The following ST7 variants were observed in gnomAD, a reference collection of about 807,000 sequenced individuals.
The protein encoded by ST7 is suppression of tumorigenicity 7, also known as suppressor of tumorigenicity 7 protein.
ST7 carries 28 observed loss-of-function variants against 78.7 expected under a neutral mutation model. The observed-to-expected ratio is 0.36, with a 90% CI of 0.26 to 0.49. The LOEUF (loss-of-function observed/expected upper bound fraction) is 0.49. Ranked by LOEUF, ST7 falls within the 20% of genes least tolerant of loss-of-function variation. The pLI is 0.99. For synonymous variants in ST7, 247 were observed against 249.6 expected, an observed-to-expected ratio of 0.99 and a Z score of 0.10; for missense variants, 418 against 696.0, an observed-to-expected ratio of 0.60 and a Z score of 4.49.
At chr7:117,077,991 A>G (rs1198262076) in intron 1 of ST7, among the ~76,000 whole-genome samples, 3 of 152,096 alleles carry the variant, frequency 2.0e-5, no homozygotes, top group Non-Finnish European at 2.9e-5. Flanking sequence ...CTTAAGTGCT[A>G]TGCTGGAGTT....
intron 1 of ST7, among the ~76,000 whole-genome samples, chr7:117,086,952 C>T (rs1056002171): frequency 2.6e-5 from 4 of 152,172 alleles, no homozygotes; most frequent in Admixed American, 2.6e-4. Context: ...AAATAGTGGC[C>T]TGTGTGGTGG....
intron 1 of ST7, among the ~76,000 whole-genome samples, chr7:116,963,632 CTTTT>C (rs1026576295): frequency 3.7e-5 from 5 of 135,792 alleles, no homozygotes; most frequent in Admixed American, 2.2e-4. Flanking sequence ...TCTTTTTTTT[CTTTT>C]TTTTTTTTTT....
At chr7:117,014,729 G>C (rs1445041071) in intron 1 of ST7, among the ~76,000 whole-genome samples, 1 of 152,090 alleles carries the variant, frequency 6.6e-6, no homozygotes, top group Non-Finnish European at 1.5e-5. Context: ...CCAAAATTTA[G>C]TTTTAACCTA....
chr7:117,195,228 G>A (rs1810197310), intron 12 of ST7, among the ~76,000 whole-genome samples: 1 of 150,850 alleles, frequency 6.6e-6, no homozygotes, highest in African/African-American at 2.4e-5. Context: ...TTTCTGAGGG[G>A]GGATTATCAG....
chr7:117,165,912 G>A (rs190994483), intron 9 of ST7, among the ~76,000 whole-genome samples: 20 of 152,292 alleles, frequency 1.3e-4, no homozygotes, highest in Admixed American at 6.5e-5. Context: ...CGTGGTGCGT[G>A]TGAAGTGGCT....
chr7:116,972,658 T>G, intron 1 of ST7: 1 of 1,144,870 alleles, frequency 8.7e-7, no homozygotes, highest in Admixed American at 1.7e-5. Flanking sequence ...CTCACTCTCA[T>G]CAGCAGTTTT....
At chr7:117,112,410 G>A (rs1802509697) in intron 2 of ST7, 2 of 152,186 alleles carry the variant, frequency 1.3e-5, no homozygotes, top group Non-Finnish European at 2.9e-5. Context: ...GGTATGACCA[G>A]TGTCTTTATA....
chr7:117,067,738 G>A (rs1798716820), intron 1 of ST7, among the ~76,000 whole-genome samples: 1 of 152,182 alleles, frequency 6.6e-6, no homozygotes, highest in East Asian at 1.9e-4. Context: ...AGAGGATTTT[G>A]AGGAGCCTGA....
intron 3 of ST7, among the ~76,000 whole-genome samples, chr7:117,122,225 T>C (rs1803447207): frequency 6.6e-6 from 1 of 152,114 alleles, no homozygotes; most frequent in Admixed American, 6.5e-5. Context: ...ACAGGACATA[T>C]GGGAAAGGGA....
At chr7:117,129,135 C>T (rs1381622333) in intron 3 of ST7, among the ~76,000 whole-genome samples, 1 of 151,544 alleles carries the variant, frequency 6.6e-6, no homozygotes, top group African/African-American at 2.4e-5. Context: ...AGAGGTATGA[C>T]CTATTAGGAT....
intron 1 of ST7, among the ~76,000 whole-genome samples, chr7:116,995,321 T>C (rs1794603815): frequency 6.6e-6 from 1 of 152,222 alleles, no homozygotes; most frequent in South Asian, 2.1e-4. Context: ...GTCCTAGGGT[T>C]GTTTTATGGT....
At chr7:116,996,651 T>C (rs577220007) in intron 1 of ST7, among the ~76,000 whole-genome samples, 1 of 152,328 alleles carries the variant, frequency 6.6e-6, no homozygotes, top group East Asian at 1.9e-4. Context: ...TCTTCTTTAT[T>C]AATATGCAGA....
At chr7:117,018,790 C>T (rs542782119) in intron 1 of ST7, among the ~76,000 whole-genome samples, 10 of 152,324 alleles carry the variant, frequency 6.6e-5, no homozygotes, top group Admixed American at 2.0e-4. Context: ...GTGCCTGGCA[C>T]ATAGTAAACA....
At chr7:117,132,320 T>TAGA (rs1804426512) in intron 6 of ST7, among the ~76,000 whole-genome samples, 3 of 151,928 alleles carry the variant, frequency 2.0e-5, no homozygotes, top group African/African-American at 7.2e-5. Flanking sequence ...CATTTTCTAG[T>TAGA]AGAACTTCTG....
chr7:117,145,059 G>A (rs1805649040), intron 9 of ST7, among the ~76,000 whole-genome samples: 1 of 152,046 alleles, frequency 6.6e-6, no homozygotes, highest in African/African-American at 2.4e-5. Context: ...AATTAGCCAG[G>A]TGTGGTAGCA....
intron 1 of ST7, among the ~76,000 whole-genome samples, chr7:116,991,665 A>G (rs1585104153): frequency 1.3e-5 from 2 of 152,170 alleles, no homozygotes; most frequent in South Asian, 4.2e-4. Context: ...ATATCATTTC[A>G]CCTCTGGCCT....
At position 117,223,047 on chromosome 7, in the gene ST7, C is replaced by T. The variant is rs970477255; in HGVS notation, c.1638+985C>T. 387 of 1,128,586 alleles carry T rather than the reference C, an allele frequency of 3.4e-4. 2 individuals are homozygous for T. Among genetic ancestry groups the T allele is most frequent in the Middle Eastern group, 1.6e-3 (8 of 5,150 alleles). The allele number at this position is 1,128,586 out of a possible 1,614,324, so 69.9% of individuals were successfully genotyped here. A position where few individuals can be genotyped will look rare whatever the true frequency, so the allele number is the denominator to read the frequency against. ...TCCTGTATTCCTGACCTCCGCCATC[C>T]ACCCCGTTGCTCAAGCCGGAAACTC... On this transcript the variant is annotated intron_variant, in intron 15 of 15. Transcript: ENST00000323984.
intron 1 of ST7, among the ~76,000 whole-genome samples, chr7:116,998,447 G>A (rs1035236340): frequency 1.3e-5 from 2 of 152,218 alleles, no homozygotes; most frequent in African/African-American, 4.8e-5. Context: ...GGGCTCCCAC[G>A]GTGCAGCGGC....
chr7:117,187,581 G>C (rs992701663), intron 10 of ST7: 1 of 152,122 alleles, frequency 6.6e-6, no homozygotes, highest in Non-Finnish European at 1.5e-5. Flanking sequence ...GGAACACCTC[G>C]AATGTATCTT....
Sources: gnomAD v4.1 joint callset for allele counts (sites outside exome capture counted in the v4.1 genomes callset) on GRCh38, gnomAD v4.1.1 for gene constraint, MANE v1.5 for transcripts, NCBI Gene and HGNC (gene_info 2026-07-23, HGNC 2026-07-21) for gene names.